The following WNT2B variants were observed in gnomAD, a reference collection of about 807,000 sequenced individuals.
WNT2B encodes the protein Wnt family member 2B, also known as protein Wnt-2b.
In WNT2B, 19 loss-of-function variants were observed where a neutral mutation model predicts 40.5. That is an observed-to-expected ratio of 0.47 (90% CI 0.33 to 0.69). The LOEUF (loss-of-function observed/expected upper bound fraction) is 0.69. WNT2B is among the 30% of genes least tolerant of loss of function. The pLI is 0.02. For synonymous variants in WNT2B, 220 were observed against 211.9 expected (o/e 1.04, Z -0.33); for missense variants, 467 against 556.4 (o/e 0.84, Z 1.62).
intron 1 of WNT2B, among the ~76,000 whole-genome samples, chr1:112,479,478 G>A (rs1651155714): frequency 6.6e-6 from 1 of 151,780 alleles, no homozygotes; most frequent in Non-Finnish European, 1.5e-5. Context: ...GGAGGCTGAG[G>A]CAGGAGAATC....
chr1:112,473,074 A>AGAAAGGAAGAAAAT (rs1161415086), intron 1 of WNT2B, among the ~76,000 whole-genome samples: 1 of 132,772 alleles, frequency 7.5e-6, no homozygotes, highest in Non-Finnish European at 1.5e-5. Flanking sequence ...AGGAAGAAAA[A>AGAAAGGAAGAAAAT]GAAAGAAAGA....
chr1:112,499,075 G>A (rs959466908), intron 1 of WNT2B, among the ~76,000 whole-genome samples: 6 of 151,990 alleles, frequency 3.9e-5, no homozygotes, highest in Non-Finnish European at 5.9e-5. Flanking sequence ...TCGTGGTGGC[G>A]TGCGCCTGTA....
chr1:112,470,952 T>C (rs1337606053), intron 1 of WNT2B, among the ~76,000 whole-genome samples: 1 of 152,212 alleles, frequency 6.6e-6, no homozygotes, highest in African/African-American at 2.4e-5. Context: ...TCCTCCTTGG[T>C]GTGTGGCACC....
chr1:112,488,673 TC>T (rs1243958189), intron 1 of WNT2B, among the ~76,000 whole-genome samples: 6 of 150,830 alleles, frequency 4.0e-5, no homozygotes, highest in African/African-American at 1.5e-4. Flanking sequence ...TGCCTCAGCC[TC>T]CCGAGTAGCT....
rs141014518 is a variant in WNT2B at position 112,485,693 on chromosome 1, GATCCATAC to G, written c.-95+18106_-95+18113del. Among the ~76,000 whole-genome samples, 209 of 152,226 alleles carry G rather than the reference GATCCATAC, an allele frequency of 1.4e-3. 6 individuals are homozygous for G. In the East Asian group the frequency reaches 0.039, roughly 28 times the overall value. On this transcript the variant is annotated intron_variant, in intron 1 of 4. Coordinates refer to the WNT2B transcript ENST00000256640. ...TATCTATATGCAAAAACTAAGCTTT[GATCCATAC>G]ATCACACCATATACAAAAATTAACT... is the stretch of plus-strand genomic sequence containing the variant.
At chr1:112,518,378 A>G (rs996344193) in intron 4 of WNT2B, 1 of 152,234 alleles carries the variant, frequency 6.6e-6, no homozygotes, top group African/African-American at 2.4e-5. Context: ...AACCTCAGCT[A>G]TCTTCGGTAC....
upstream of WNT2B, among the ~76,000 whole-genome samples, chr1:112,504,725 GC>G (rs1203855045): frequency 2.0e-5 from 3 of 152,074 alleles, no homozygotes; most frequent in Non-Finnish European, 4.4e-5. Flanking sequence ...GCGTCTCAGG[GC>G]CCCTTGTGCA....
chr1:112,497,030 C>T (rs984607802), intron 1 of WNT2B, among the ~76,000 whole-genome samples: 3 of 152,222 alleles, frequency 2.0e-5, no homozygotes, highest in African/African-American at 7.2e-5. Context: ...ACTCCATGTC[C>T]TGCCTTCCAG....
At chr1:112,467,196 G>T in exon 1 of WNT2B, 1 of 302,272 alleles carries the variant, frequency 3.3e-6, no homozygotes, top group Non-Finnish European at 6.2e-6. Context: ...GTTGCCAGCA[G>T]GCACCGTGTT....
chr1:112,482,850 A>C (rs1459660108), intron 1 of WNT2B, among the ~76,000 whole-genome samples: 1 of 152,180 alleles, frequency 6.6e-6, no homozygotes, highest in Non-Finnish European at 1.5e-5. Context: ...ATATTGGTAA[A>C]ATGTTCATAC....
In WNT2B at chr1:112,520,675, A is replaced by C. The variant is rs1402994302; in HGVS notation, c.*166A>C. The C allele has an allele frequency of 4.2e-6, 3 of 710,808 alleles. No individual in the cohort carries two copies. The highest frequency in any genetic ancestry group is 6.9e-6 in the Non-Finnish European group (3 of 432,016). The allele number at this position is 710,808 out of a possible 1,614,324, so 44.0% of individuals were successfully genotyped here. The stretch of plus-strand genomic sequence containing the variant: ...ACCATGGTGTCCTGGCTGGTTCCTT[A>C]GCCCTGGGAAGGAGTTGTCAGGGGA... On this transcript the variant is annotated 3_prime_UTR_variant, in exon 5 of 5. Coordinates refer to ENST00000369684, the MANE Select transcript of WNT2B (RefSeq NM_024494.3).
chr1:112,479,231 A>G (rs1651145734), intron 1 of WNT2B, among the ~76,000 whole-genome samples: 1 of 151,012 alleles, frequency 6.6e-6, no homozygotes, highest in Non-Finnish European at 1.5e-5. Context: ...CAAAATAAAT[A>G]AATAAATAAA....
At chr1:112,501,244 C>CAT (rs1651942398) in intron 1 of WNT2B, among the ~76,000 whole-genome samples, 1 of 152,148 alleles carries the variant, frequency 6.6e-6, no homozygotes, top group Non-Finnish European at 1.5e-5. Flanking sequence ...TTTATCGCAT[C>CAT]ATATCAAGAG....
In WNT2B at chr1:112,516,434, G is replaced by A; in HGVS notation, c.681+17G>A. ...GGTCGCACGGTCAGTACTCATGTCTGTGTAAGTACACTCATATTTGCTGGG... is the reference window on the plus strand; with the variant it reads ...GGTCGCACGGTCAGTACTCATGTCTATGTAAGTACACTCATATTTGCTGGG... On this transcript the variant is annotated intron_variant, in intron 3 of 4. Transcript: ENST00000369684. 6.3e-7 allele frequency: 1 copy of A among 1,597,154 alleles called. No homozygotes were observed. The highest frequency in any genetic ancestry group is 8.5e-7 in the Non-Finnish European group (1 of 1,169,878).
intron 1 of WNT2B, among the ~76,000 whole-genome samples, chr1:112,474,973 G>T (rs1314184217): frequency 6.6e-6 from 1 of 152,030 alleles, no homozygotes; most frequent in East Asian, 1.9e-4. Context: ...CACCATAATT[G>T]TTAAGTTTCC....
chr1:112,518,642 C>A (rs1259954020), intron 4 of WNT2B, among the ~76,000 whole-genome samples: 1 of 152,138 alleles, frequency 6.6e-6, no homozygotes, highest in East Asian at 1.9e-4. Context: ...TCCATAACAT[C>A]TGAGGTGTAA....
chr1:112,487,768 A>T (rs1323088173), intron 1 of WNT2B, among the ~76,000 whole-genome samples: 1 of 151,816 alleles, frequency 6.6e-6, no homozygotes, highest in Non-Finnish European at 1.5e-5. Flanking sequence ...CCCTGTCTCT[A>T]CTAAAATTAC....
chr1:112,520,458 C>A lies in WNT2B; in HGVS notation c.1125C>A (p.Asp375Glu), dbSNP rs139266843. The A allele has an allele frequency of 2.5e-6, 4 of 1,614,172 alleles. No homozygotes were observed. The South Asian group carries it at 4.4e-5, about 18-fold the overall frequency. ...GCAAGGAATGCAGAAATACTGTGGACGTCCATACTTGCAAAGCCCCCAAGA... is the reference window on the plus strand; with the variant it reads ...GCAAGGAATGCAGAAATACTGTGGAAGTCCATACTTGCAAAGCCCCCAAGA... ...VRCKECRNTV[D>E]VHTCKAPKKA... The change falls in exon 5 of 5, where the codon GAC becomes GAA. Residue 375 changes from aspartate to glutamate, a missense_variant. By Grantham distance (45) the Asp-to-Glu change is conservative (BLOSUM62 2). Transcript: ENST00000369684.
At chr1:112,508,828 G>C (rs1472687497), upstream of WNT2B, 2 of 993,838 alleles carry the variant, frequency 2.0e-6, no homozygotes, top group African/African-American at 3.5e-5. This position sits in a 1 kb window ranked among gnomAD's most constrained non-coding sequence, Gnocchi z 4.2. Context: ...GAGGGGCGGA[G>C]GCGGCTGCTA....
Sources: allele counts gnomAD v4.1 joint callset (sites outside exome capture counted in the v4.1 genomes callset), GRCh38; gene constraint gnomAD v4.1.1; non-coding constraint Gnocchi (gnomAD v3.1); transcripts MANE v1.5; gene names NCBI Gene and HGNC (gene_info 2026-07-23, HGNC 2026-07-21).